Variants in RCAN2 observed in about 807,000 individuals in gnomAD.
RCAN2 encodes regulator of calcineurin 2, also known as calcipressin-2.
RCAN2 carries 9 observed loss-of-function variants against 23.6 expected under a neutral mutation model. The ratio of observed to expected loss-of-function variants is 0.38; its 90% CI spans 0.23 to 0.67. The LOEUF (loss-of-function observed/expected upper bound fraction) is 0.67, where lower values mean the gene tolerates loss of function less well. Among genes scored for constraint, RCAN2 ranks in the 30% least tolerant of loss-of-function variants. RCAN2 has a pLI of 0.51. For missense variants in RCAN2, 273 were observed against 302.3 expected, an observed-to-expected ratio of 0.90 and a Z score of 0.72; for synonymous variants, 109 against 115.7, an observed-to-expected ratio of 0.94 and a Z score of 0.37.
At chr6:46,359,234 C>A (rs757228522) in intron 2 of RCAN2, among the ~76,000 whole-genome samples, 21 of 152,136 alleles carry the variant, frequency 1.4e-4, no homozygotes, top group Non-Finnish European at 2.9e-4. Flanking sequence ...AAGTACAGAG[C>A]TCAGAACAAG....
chr6:46,325,517 T>C (rs1254990631), intron 2 of RCAN2: 1 of 1,612,598 alleles, frequency 6.2e-7, no homozygotes, highest in Admixed American at 1.7e-5. Flanking sequence ...TTAGGCAACC[T>C]CAGAGTTGGG....
chr6:46,333,443 T>C (rs1764047420), intron 2 of RCAN2, among the ~76,000 whole-genome samples: 1 of 152,250 alleles, frequency 6.6e-6, no homozygotes, highest in Admixed American at 6.5e-5. Flanking sequence ...ATTTGGATTG[T>C]TTCCAGCCTT....
intron 2 of RCAN2, 49 bp downstream of exon 2, chr6:46,456,703 G>T: frequency 7.6e-7 from 1 of 1,316,720 alleles, no homozygotes; most frequent in Non-Finnish European, 1.1e-6. Context: ...ATTACTTGGA[G>T]ATAATGCCAT....
chr6:46,251,081 G>A (rs1766696950), intron 2 of RCAN2, among the ~76,000 whole-genome samples: 1 of 152,204 alleles, frequency 6.6e-6, no homozygotes, highest in Non-Finnish European at 1.5e-5. Context: ...GATTTGAGGG[G>A]TTCTTTCTCG....
chr6:46,422,367 C>G (rs758931663), intron 2 of RCAN2, among the ~76,000 whole-genome samples: 1 of 152,154 alleles, frequency 6.6e-6, no homozygotes, highest in East Asian at 1.9e-4. Flanking sequence ...TCCTATACAG[C>G]CTGCAGAACA....
At chr6:46,261,161 G>T (rs1228960008) in intron 2 of RCAN2, among the ~76,000 whole-genome samples, 1 of 152,170 alleles carries the variant, frequency 6.6e-6, no homozygotes, top group East Asian at 1.9e-4. Context: ...TGTAATTGAT[G>T]AAATGCATAG....
chr6:46,481,131 C>G (rs1768848297), intron 1 of RCAN2, among the ~76,000 whole-genome samples: 1 of 152,130 alleles, frequency 6.6e-6, no homozygotes, highest in South Asian at 2.1e-4. Flanking sequence ...TAGGTGCAGT[C>G]TTCACCCTGG....
chr6:46,297,841 C>T (rs1300707806), intron 2 of RCAN2, among the ~76,000 whole-genome samples: 1 of 152,040 alleles, frequency 6.6e-6, no homozygotes, highest in Non-Finnish European at 1.5e-5. Context: ...GTACAAATCA[C>T]TTGAATATAA....
Position 46,460,307 on chromosome 6 carries a change from C to T in RCAN2, c.-2-3329G>A, listed in dbSNP as rs568461485. On this transcript the variant is annotated intron_variant, in intron 1 of 4. Transcript: ENST00000371374. ...CAACTCCTAGCCTCAAATAGTCCTC[C>T]CATTTTGGTTTCACAAAGTGCTGGG... 2.0e-5 allele frequency among the ~76,000 whole-genome samples: 3 copies of T among 152,274 alleles called. No homozygotes were observed. In the South Asian group the frequency reaches 6.2e-4, roughly 32 times the overall value.
chr6:46,264,943 T>C (rs1003363981), intron 2 of RCAN2, among the ~76,000 whole-genome samples: 1 of 152,202 alleles, frequency 6.6e-6, no homozygotes, highest in African/African-American at 2.4e-5. Context: ...GATTAAACGA[T>C]CTGCCTAAGG....
intron 1 of RCAN2, among the ~76,000 whole-genome samples, chr6:46,469,324 C>T (rs1223185761): frequency 6.6e-6 from 1 of 152,110 alleles, no homozygotes; most frequent in Non-Finnish European, 1.5e-5. Context: ...CAGATTCTAG[C>T]CTAGAAAAAA....
chr6:46,490,517 C>T (rs1769109759), intron 1 of RCAN2, among the ~76,000 whole-genome samples: 1 of 152,296 alleles, frequency 6.6e-6, no homozygotes, highest in African/African-American at 2.4e-5. Flanking sequence ...AGGGATCAGG[C>T]GGCTGGGATT....
chr6:46,249,776 A>G (rs1209088715), intron 2 of RCAN2, among the ~76,000 whole-genome samples: 2 of 152,154 alleles, frequency 1.3e-5, no homozygotes, highest in African/African-American at 4.8e-5. Context: ...TTCTCTGAAG[A>G]GGCCATGTGT....
intron 2 of RCAN2, among the ~76,000 whole-genome samples, chr6:46,402,131 C>A (rs1766264166): frequency 6.6e-6 from 1 of 152,110 alleles, no homozygotes; most frequent in South Asian, 2.1e-4. Context: ...AACTGGAAAG[C>A]TGAAGCAGCA....
intron 2 of RCAN2, among the ~76,000 whole-genome samples, chr6:46,363,434 A>AT (rs953559453): frequency 1.3e-5 from 2 of 151,946 alleles, no homozygotes; most frequent in Admixed American, 6.6e-5. Context: ...TTAAAAATGT[A>AT]TTTTTTTTCT....
chr6:46,351,924 T>C (rs1261621059), intron 2 of RCAN2, among the ~76,000 whole-genome samples: 1 of 152,194 alleles, frequency 6.6e-6, no homozygotes, highest in East Asian at 1.9e-4. Context: ...GATCTTTACC[T>C]CTTCCCTCTG....
chr6:46,439,748 T>C (rs1767477098), intron 2 of RCAN2, among the ~76,000 whole-genome samples: 1 of 152,176 alleles, frequency 6.6e-6, no homozygotes, highest in African/African-American at 2.4e-5. Context: ...CTCCTCCTTC[T>C]AAATTATCAT....
chr6:46,362,478 G>A (rs1452978649), intron 2 of RCAN2, among the ~76,000 whole-genome samples: 1 of 152,026 alleles, frequency 6.6e-6, no homozygotes, highest in East Asian at 1.9e-4. Flanking sequence ...TAGTCAATGG[G>A]ATGACAAACC....
intron 2 of RCAN2, among the ~76,000 whole-genome samples, chr6:46,379,485 T>C (rs1438114799): frequency 6.6e-6 from 1 of 152,180 alleles, no homozygotes; most frequent in Non-Finnish European, 1.5e-5. Flanking sequence ...TTTTAAAATA[T>C]ATTTTCTCTG....
Sources: allele counts gnomAD v4.1 joint callset (sites outside exome capture counted in the v4.1 genomes callset), GRCh38; gene constraint gnomAD v4.1.1; transcripts MANE v1.5; gene names NCBI Gene and HGNC (gene_info 2026-07-23, HGNC 2026-07-21).